PRKG1: variants seen among roughly 807,000 people sequenced by gnomAD.
PRKG1 encodes the protein cGMP-dependent protein kinase 1.
Under a neutral mutation model 88.1 loss-of-function variants are expected in PRKG1, and 35 were observed. That is an observed-to-expected ratio of 0.40 (90% CI 0.30 to 0.53). The LOEUF (loss-of-function observed/expected upper bound fraction) is 0.53. Ranked by LOEUF, PRKG1 falls within the 20% of genes least tolerant of loss-of-function variation. PRKG1 has a pLI of 0.59. For missense variants in PRKG1, 540 were observed against 839.8 expected (o/e 0.64, Z 4.41); for synonymous variants, 303 against 292.5 (o/e 1.04, Z -0.37).
intron 10 of PRKG1, among the ~76,000 whole-genome samples, chr10:52,257,757 C>T (rs957804552): frequency 7.2e-6 from 1 of 139,014 alleles, no homozygotes; most frequent in Non-Finnish European, 1.6e-5. Context: ...AGAATAAAAA[C>T]GGACAAAAAT....
intron 5 of PRKG1, among the ~76,000 whole-genome samples, chr10:51,955,027 A>G (rs10740404): frequency 0.36 from 54,322 of 151,368 alleles, 10,230 homozygotes; most frequent in East Asian, 0.65. Flanking sequence ...GATATTTCTT[A>G]CATCTATCAC....
intron 2 of PRKG1, among the ~76,000 whole-genome samples, chr10:51,260,242 G>C (rs1231807910): frequency 6.6e-6 from 1 of 152,146 alleles, no homozygotes; most frequent in African/African-American, 2.4e-5. Context: ...CCGTGGAATA[G>C]AAAGCATTTA....
chr10:51,510,258 T>C (rs2132058632), intron 3 of PRKG1, among the ~76,000 whole-genome samples: 1 of 152,306 alleles, frequency 6.6e-6, no homozygotes, highest in Admixed American at 6.5e-5. Context: ...AATGTTTGTA[T>C]ATGTATATGC....
intron 3 of PRKG1, among the ~76,000 whole-genome samples, chr10:51,771,931 C>T (rs1428759938): frequency 6.6e-6 from 1 of 151,766 alleles, no homozygotes; most frequent in Non-Finnish European, 1.5e-5. Context: ...GATGACTTTC[C>T]TTTCTTGAAA....
In PRKG1 at chr10:50,991,603, CG is replaced by C; in HGVS notation, c.226del (p.Asp76ThrfsTer19). 6.4e-7 allele frequency: 1 copy of C among 1,572,234 alleles called. No homozygotes were observed. Among genetic ancestry groups the C allele is most frequent in the East Asian group, 2.4e-5 (1 of 41,752 alleles). On this transcript the variant is annotated frameshift_variant, in exon 1 of 18. Transcript: ENST00000401604. LOFTEE classifies it high-confidence loss of function. This position sits in a 1 kb window ranked among gnomAD's most constrained non-coding sequence, Gnocchi z 4.5. ...AGCCGCAGACGTACAGGTCCTTCCA[CG>C]ACCTCCGACAGGCATTCCGGAAGTT...
At chr10:51,688,866 A>T (rs901171461) in intron 3 of PRKG1, among the ~76,000 whole-genome samples, 5 of 152,082 alleles carry the variant, frequency 3.3e-5, no homozygotes, top group African/African-American at 1.2e-4. Context: ...CTGTGTCCCC[A>T]CTCAAATCTC....
intron 2 of PRKG1, among the ~76,000 whole-genome samples, chr10:51,321,348 G>C (rs1196904022): frequency 1.3e-5 from 2 of 152,154 alleles, no homozygotes; most frequent in Admixed American, 6.6e-5. Context: ...GCTTTGCACA[G>C]TACATGGCAC....
At chr10:51,378,168 T>C (rs760085592) in intron 2 of PRKG1, among the ~76,000 whole-genome samples, 5 of 152,198 alleles carry the variant, frequency 3.3e-5, no homozygotes, top group African/African-American at 4.8e-5. Flanking sequence ...AATAGTAGAA[T>C]GCCTAAAATG....
At chr10:51,531,717 T>C (rs1249317261) in intron 3 of PRKG1, among the ~76,000 whole-genome samples, 1 of 131,096 alleles carries the variant, frequency 7.6e-6, no homozygotes, top group East Asian at 2.7e-4. Context: ...CAATCTCAGC[T>C]CACTGCAACC....
chr10:51,064,389 C>G (rs936294847), intron 1 of PRKG1, among the ~76,000 whole-genome samples: 1 of 152,068 alleles, frequency 6.6e-6, no homozygotes, highest in African/African-American at 2.4e-5. Context: ...AAGTTTCACA[C>G]AGTTATGAAT....
At chr10:52,143,522 G>A (rs1837642909) in intron 8 of PRKG1, among the ~76,000 whole-genome samples, 1 of 152,160 alleles carries the variant, frequency 6.6e-6, no homozygotes, top group Non-Finnish European at 1.5e-5. Context: ...CTGGATGTCA[G>A]TGAAGTCTCT....
At chr10:51,513,519 C>A (rs1293637818) in intron 3 of PRKG1, among the ~76,000 whole-genome samples, 1 of 111,736 alleles carries the variant, frequency 8.9e-6, no homozygotes, top group African/African-American at 3.0e-5. Context: ...ACAGAACTCT[C>A]CACCTCAAAT....
At chr10:51,946,045 G>T (rs1843025634) in intron 5 of PRKG1, among the ~76,000 whole-genome samples, 1 of 151,878 alleles carries the variant, frequency 6.6e-6, no homozygotes, top group African/African-American at 2.4e-5. Flanking sequence ...ATATCCTGCA[G>T]AGTGTTTTCC....
At chr10:51,055,816 A>G (rs1357614218) in intron 1 of PRKG1, among the ~76,000 whole-genome samples, 2 of 152,154 alleles carry the variant, frequency 1.3e-5, no homozygotes, top group Non-Finnish European at 1.5e-5. Context: ...TTCCAGCCCC[A>G]TGTGACAACT....
chr10:51,136,197 A>G (rs1845681988), intron 1 of PRKG1, among the ~76,000 whole-genome samples: 5 of 152,010 alleles, frequency 3.3e-5, no homozygotes. Context: ...TTCGAAGGTG[A>G]CCTATGGATT....
intron 4 of PRKG1, among the ~76,000 whole-genome samples, chr10:51,843,465 T>C (rs906303825): frequency 2.0e-5 from 3 of 152,208 alleles, no homozygotes; most frequent in Non-Finnish European, 4.4e-5. Flanking sequence ...AAGGCTTGTT[T>C]TCAACATTAT....
intron 2 of PRKG1, among the ~76,000 whole-genome samples, chr10:51,437,173 G>A (rs979319859): frequency 2.8e-4 from 42 of 152,088 alleles, no homozygotes; most frequent in Middle Eastern, 3.4e-3. Flanking sequence ...AATTAATGTA[G>A]TAGTGTGATG....
intron 4 of PRKG1, among the ~76,000 whole-genome samples, chr10:51,830,369 T>C (rs1839972811): frequency 1.3e-5 from 2 of 152,118 alleles, no homozygotes; most frequent in African/African-American, 4.8e-5. Flanking sequence ...ATTTTCCAAG[T>C]TGTTAGCGAT....
intron 5 of PRKG1, among the ~76,000 whole-genome samples, chr10:52,027,465 A>C (rs1248533919): frequency 6.6e-6 from 1 of 152,210 alleles, no homozygotes; most frequent in Non-Finnish European, 1.5e-5. Context: ...GGCCTGGGAT[A>C]TATACTTTTA....
Sources: allele counts gnomAD v4.1 joint callset (sites outside exome capture counted in the v4.1 genomes callset), GRCh38; gene constraint gnomAD v4.1.1; non-coding constraint Gnocchi (gnomAD v3.1); transcripts MANE v1.5; gene names NCBI Gene and HGNC (gene_info 2026-07-23, HGNC 2026-07-21).